Variants in MYT1L observed in about 807,000 individuals in gnomAD.
The protein encoded by MYT1L is myelin transcription factor 1 like.
In MYT1L, 12 loss-of-function variants were observed where a neutral mutation model predicts 126.7. The ratio of observed to expected loss-of-function variants is 0.09; its 90% CI spans 0.06 to 0.15. The LOEUF is 0.15. MYT1L is among the 10% of genes least tolerant of loss of function. The probability of loss-of-function intolerance (pLI) is 1.00; values close to 1 mark genes in which losing one functional copy is unlikely to be tolerated. For synonymous variants in MYT1L, 541 were observed against 604.2 expected (o/e 0.90, Z 1.53); for missense variants, 979 against 1,585.2 (o/e 0.62, Z 6.49).
chr2:1,861,562 G>C (rs1045594904), intron 18 of MYT1L, among the ~76,000 whole-genome samples: 3 of 150,742 alleles, frequency 2.0e-5, no homozygotes, highest in African/African-American at 7.3e-5. Context: ...TATTCTAATC[G>C]GGGTTTGGGG....
At chr2:1,985,245 AGAG>A (rs1362776142) in intron 5 of MYT1L, among the ~76,000 whole-genome samples, 1 of 152,218 alleles carries the variant, frequency 6.6e-6, no homozygotes, top group African/African-American at 2.4e-5. Flanking sequence ...AGCATCAAGA[AGAG>A]GAGATAGGAG....
chr2:2,135,542 T>C (rs575545314), intron 3 of MYT1L, among the ~76,000 whole-genome samples: 181 of 152,358 alleles, frequency 1.2e-3, no homozygotes, highest in African/African-American at 4.1e-3. Context: ...CCTGTCTCAT[T>C]GACCATTCTG....
In MYT1L at chr2:1,789,329, CAATA is replaced by C. The variant is rs749453014; in HGVS notation, c.*2534_*2537del. On this transcript the variant is annotated 3_prime_UTR_variant, in exon 25 of 25. Coordinates refer to ENST00000647738, the MANE Select transcript of MYT1L (RefSeq NM_001303052.2). The stretch of plus-strand genomic sequence containing the variant: ...TCAAACTTCAGTTCCACAGAGAGCA[CAATA>C]AATAGTTTATACAAAATTCTGTCTT... 2.6e-4 allele frequency: 39 copies of C among 152,182 alleles called. No homozygotes were observed. The highest frequency in any genetic ancestry group is 4.1e-4 in the African/African-American group (17 of 41,528). 9.4% of individuals were successfully genotyped at this position (152,182 alleles called of 1,614,324 possible).
At chr2:2,130,141 GAA>G (rs1189971127) in intron 3 of MYT1L, among the ~76,000 whole-genome samples, 3 of 151,966 alleles carry the variant, frequency 2.0e-5, no homozygotes, top group Admixed American at 6.6e-5. Flanking sequence ...CCTTAAATTT[GAA>G]AAGAGAAAGA....
At chr2:1,983,048 CCAGT>C (rs1245422019) in intron 5 of MYT1L, among the ~76,000 whole-genome samples, 1 of 151,694 alleles carries the variant, frequency 6.6e-6, no homozygotes, top group Non-Finnish European at 1.5e-5. Context: ...TATTTTTTTT[CCAGT>C]CAGATAGCTA....
rs374152672 is a variant in MYT1L at position 1,830,967 on chromosome 2, C to T, written c.3080+8182G>A. 9.8e-5 allele frequency among the ~76,000 whole-genome samples: 15 copies of T among 152,292 alleles called. 1 individual carries two copies. In the South Asian group the frequency reaches 3.1e-3, roughly 32 times the overall value. On this transcript the variant is annotated intron_variant, in intron 21 of 24. Coordinates refer to ENST00000647738, the MANE Select transcript of MYT1L (RefSeq NM_001303052.2). ...GTAAGGCTCCCACGCTGCTGTCTTC[C>T]CCACATCCTGACAGCTGAGTGTTGG...
intron 4 of MYT1L, among the ~76,000 whole-genome samples, chr2:2,020,236 G>A (rs1450171572): frequency 6.6e-6 from 1 of 152,158 alleles, no homozygotes; most frequent in African/African-American, 2.4e-5. Context: ...ACTATCACGT[G>A]TTGATATAAA....
intron 11 of MYT1L, among the ~76,000 whole-genome samples, chr2:1,914,502 C>T (rs1018162152): frequency 1.3e-5 from 2 of 152,048 alleles, no homozygotes; most frequent in African/African-American, 4.8e-5. Flanking sequence ...TCAGTTTCCA[C>T]GAATGCTACT....
At chr2:2,305,961 C>A (rs1001177296) in intron 1 of MYT1L, 1 of 152,240 alleles carries the variant, frequency 6.6e-6, no homozygotes, top group Non-Finnish European at 1.5e-5. Context: ...TATTTCTGGA[C>A]AATGGCATCT....
intron 18 of MYT1L, among the ~76,000 whole-genome samples, chr2:1,861,210 T>C (rs80329012): frequency 0.025 from 3,818 of 152,252 alleles, 170 homozygotes; most frequent in African/African-American, 0.088. Flanking sequence ...ACTGCTGAAC[T>C]GGGGCATGGG....
At chr2:2,123,766 G>T (rs1377912557) in intron 3 of MYT1L, among the ~76,000 whole-genome samples, 1 of 152,222 alleles carries the variant, frequency 6.6e-6, no homozygotes, top group East Asian at 1.9e-4. Flanking sequence ...GACTAATACA[G>T]GAAGATGATC....
intron 21 of MYT1L, among the ~76,000 whole-genome samples, chr2:1,822,941 C>T (rs2038766281): frequency 6.6e-6 from 1 of 152,180 alleles, no homozygotes; most frequent in Non-Finnish European, 1.5e-5. Context: ...TTTTGCTTGC[C>T]TCTCAGGAGC....
chr2:1,805,062 C>A (rs2035482963), intron 22 of MYT1L, among the ~76,000 whole-genome samples: 1 of 152,202 alleles, frequency 6.6e-6, no homozygotes, highest in African/African-American at 2.4e-5. Flanking sequence ...GGGAGACTCA[C>A]TAACAGCCAC....
At chr2:2,216,463 G>A (rs2093679398) in intron 2 of MYT1L, among the ~76,000 whole-genome samples, 1 of 152,118 alleles carries the variant, frequency 6.6e-6, no homozygotes, top group Admixed American at 6.6e-5. Flanking sequence ...TTTTCAACTG[G>A]ATGAAAATGA....
chr2:2,305,184 T>C (rs762080136), intron 1 of MYT1L, among the ~76,000 whole-genome samples: 1 of 152,226 alleles, frequency 6.6e-6, no homozygotes, highest in Non-Finnish European at 1.5e-5. Flanking sequence ...CTGCAAAGCC[T>C]ATATAACTCA....
At chr2:2,211,260 T>G (rs2148903588) in intron 2 of MYT1L, among the ~76,000 whole-genome samples, 1 of 152,340 alleles carries the variant, frequency 6.6e-6, no homozygotes, top group East Asian at 1.9e-4. Flanking sequence ...ATAGCCAAAA[T>G]TTTGAAAATC....
At chr2:2,214,199 A>C (rs1031929606) in intron 2 of MYT1L, among the ~76,000 whole-genome samples, 10 of 152,098 alleles carry the variant, frequency 6.6e-5, no homozygotes, top group African/African-American at 2.2e-4. Flanking sequence ...GACAACTTCT[A>C]GTGGTCTCAT....
At chr2:1,906,636 A>G (rs2148987212) in intron 13 of MYT1L, among the ~76,000 whole-genome samples, 1 of 152,318 alleles carries the variant, frequency 6.6e-6, no homozygotes, top group South Asian at 2.1e-4. Context: ...TCACCAATAC[A>G]TGTATTGCGA....
At chr2:2,120,306 A>T (rs2080816192) in intron 3 of MYT1L, among the ~76,000 whole-genome samples, 1 of 152,102 alleles carries the variant, frequency 6.6e-6, no homozygotes, top group Non-Finnish European at 1.5e-5. Context: ...TACACCTTAA[A>T]GCTGGGGATG....
Sources: allele counts gnomAD v4.1 joint callset (sites outside exome capture counted in the v4.1 genomes callset), GRCh38; gene constraint gnomAD v4.1.1; transcripts MANE v1.5; gene names NCBI Gene and HGNC (gene_info 2026-07-23, HGNC 2026-07-21).